SLAMF6: variants seen among roughly 807,000 people sequenced by gnomAD.
SLAMF6 encodes SLAM family member 6, also known as NK-T-B-antigen.
Under a neutral mutation model 38.3 loss-of-function variants are expected in SLAMF6, and 21 were observed. That is an observed-to-expected ratio of 0.55 (90% CI 0.39 to 0.79). The LOEUF (loss-of-function observed/expected upper bound fraction) is 0.79. Among genes scored for constraint, SLAMF6 ranks in the 30% least tolerant of loss-of-function variants. SLAMF6 has a pLI of 0.00. For synonymous variants in SLAMF6, 152 were observed against 146.3 expected (o/e 1.04, Z -0.28); for missense variants, 341 against 385.3 (o/e 0.89, Z 0.96).
intron 1 of SLAMF6, among the ~76,000 whole-genome samples, chr1:160,510,873 T>C (rs999345159): frequency 6.6e-6 from 1 of 152,072 alleles, no homozygotes; most frequent in Non-Finnish European, 1.5e-5. Context: ...AGCTAATAAA[T>C]AAATTCAGCA....
At chr1:160,505,941 G>T (rs544375662) in intron 1 of SLAMF6, among the ~76,000 whole-genome samples, 1 of 152,064 alleles carries the variant, frequency 6.6e-6, no homozygotes. Context: ...TCAAAGCTAG[G>T]TCAATTGAAA....
intron 1 of SLAMF6, among the ~76,000 whole-genome samples, chr1:160,520,864 C>T (rs1654954565): frequency 1.3e-5 from 2 of 152,280 alleles, no homozygotes; most frequent in Admixed American, 1.3e-4. Context: ...CTTCCTAAAT[C>T]ACTCCAGGCT....
chr1:160,516,907 C>A (rs1048631962), intron 1 of SLAMF6, among the ~76,000 whole-genome samples: 1 of 152,062 alleles, frequency 6.6e-6, no homozygotes, highest in South Asian at 2.1e-4. Context: ...TATGAAAACC[C>A]TAGAATACAA....
chr1:160,496,474 C>G, intron 1 of SLAMF6, 81 bp from the exon 2 acceptor site: 3 of 1,404,750 alleles, frequency 2.1e-6, no homozygotes, highest in South Asian at 1.3e-5. Flanking sequence ...CCTAACGCTG[C>G]CAGTCTGTTA....
Position 160,490,589 on chromosome 1 carries a change from A to T in SLAMF6, c.743T>A (p.Leu248Ter). 6.2e-7 allele frequency: 1 copy of T among 1,613,158 alleles called. No individual in the cohort carries two copies. The highest frequency in any genetic ancestry group is 8.5e-7 in the Non-Finnish European group (1 of 1,179,732). The change falls in exon 4 of 8, where the codon TTG (leucine) becomes TAG (stop). Residue 248 changes from leucine to a stop codon, truncating the protein, a stop_gained. Coordinates refer to ENST00000368057, the MANE Select transcript of SLAMF6 (RefSeq NM_001184714.2). LOFTEE classifies it high-confidence loss of function. ...AGGAAACCTGCCTCTTCTTTTCCTC[A>T]AAACAAGTAACAGCAGTATGATGAA... is the stretch of plus-strand genomic sequence containing the variant. ...FGFIILLLLVLRKRRDSLSLS... is the reference protein window; with the variant it reads ...FGFIILLLLV
intron 1 of SLAMF6, among the ~76,000 whole-genome samples, chr1:160,498,889 T>TA (rs1653735650): frequency 1.3e-5 from 2 of 152,366 alleles, no homozygotes; most frequent in African/African-American, 4.8e-5. Context: ...TCATGTCCTT[T>TA]GCCCATTTTT....
chr1:160,489,137 A>G lies in SLAMF6; in HGVS notation c.830T>C (p.Val277Ala). Residue 277 changes from valine to alanine, a missense_variant, in exon 6 of 8, where the codon GTG becomes GCG. Physicochemically the swap from Val to Ala is moderately conservative, Grantham distance 64. Coordinates refer to ENST00000368057, the MANE Select transcript of SLAMF6 (RefSeq NM_001184714.2). ...ATACACAGTGTTGTTCGTTGGAGACACTGAAACATACTCTAGGTTCCTTGC... is the reference window on the plus strand; with the variant it reads ...ATACACAGTGTTGTTCGTTGGAGACGCTGAAACATACTCTAGGTTCCTTGC... ...ESARNLEYVS[V>A]SPTNNTVYAS... 1 of 1,613,940 alleles carries G rather than the reference A, an allele frequency of 6.2e-7. No homozygotes were observed. Among genetic ancestry groups the G allele is most frequent in the East Asian group, 2.2e-5 (1 of 44,868 alleles).
At chr1:160,498,773 G>A (rs1653729102) in intron 1 of SLAMF6, among the ~76,000 whole-genome samples, 1 of 151,978 alleles carries the variant, frequency 6.6e-6, no homozygotes, top group Admixed American at 6.6e-5. Flanking sequence ...GGTGTGAGAT[G>A]GTATTTCATT....
chr1:160,518,772 G>T (rs1654859793), intron 1 of SLAMF6, among the ~76,000 whole-genome samples: 2 of 152,078 alleles, frequency 1.3e-5, no homozygotes, highest in African/African-American at 4.8e-5. Context: ...GTCGGGGGTG[G>T]GGCAGGGGGG....
intron 2 of SLAMF6, among the ~76,000 whole-genome samples, chr1:160,493,721 C>T (rs1042775623): frequency 1.3e-5 from 2 of 152,152 alleles, no homozygotes; most frequent in African/African-American, 4.8e-5. Flanking sequence ...AAAGATACTA[C>T]TCAAGACTAG....
chr1:160,506,937 T>C (rs1349433633), intron 1 of SLAMF6, among the ~76,000 whole-genome samples: 4 of 152,022 alleles, frequency 2.6e-5, no homozygotes, highest in South Asian at 2.1e-4. Flanking sequence ...AACTTAAAAA[T>C]ATAAACTATA....
chr1:160,495,096 T>A (rs1653503933), intron 2 of SLAMF6, among the ~76,000 whole-genome samples: 1 of 152,228 alleles, frequency 6.6e-6, no homozygotes, highest in African/African-American at 2.4e-5. Flanking sequence ...TACTAAAAGT[T>A]AACATGTAAT....
chr1:160,523,225 T>G lies in SLAMF6; in HGVS notation c.-33A>C. 1 of 1,607,842 alleles carries G rather than the reference T, an allele frequency of 6.2e-7. No homozygotes were observed. Among genetic ancestry groups the G allele is most frequent in the South Asian group, 1.1e-5 (1 of 89,760 alleles). ...GCGGTGAAGACTGGTGCTTGAGACC[T>G]TGAGGCAGTCAATGTTTTTGCCCTT... On this transcript the variant is annotated 5_prime_UTR_variant, in exon 1 of 8. Coordinates refer to ENST00000368057, the MANE Select transcript of SLAMF6 (RefSeq NM_001184714.2).
chr1:160,520,158 G>A (rs560049055), intron 1 of SLAMF6, among the ~76,000 whole-genome samples: 2 of 152,148 alleles, frequency 1.3e-5, no homozygotes, highest in Non-Finnish European at 2.9e-5. Flanking sequence ...TTGGTAAAAA[G>A]TAGATAACAC....
chr1:160,488,015 G>A (rs942673519), intron 6 of SLAMF6, among the ~76,000 whole-genome samples: 1 of 151,324 alleles, frequency 6.6e-6, no homozygotes, highest in African/African-American at 2.4e-5. Context: ...ACCTGAGCAT[G>A]AGGAGGTTGA....
Position 160,489,124 on chromosome 1 carries a change from G to C in SLAMF6, c.843C>G (p.Asn281Lys), listed in dbSNP as rs746277645. ...GAGTGACTGAAGCATACACAGTGTTGTTCGTTGGAGACACTGAAACATACT... is the reference window on the plus strand; with the variant it reads ...GAGTGACTGAAGCATACACAGTGTTCTTCGTTGGAGACACTGAAACATACT... ...NLEYVSVSPT[N>K]NTVYASVTHS... The change falls in exon 6 of 8, where the codon AAC becomes AAG. Residue 281 changes from asparagine (N) to lysine (K), a missense_variant. Asn to Lys is a moderately conservative substitution (Grantham distance 94). Transcript: ENST00000368057. 18 of 1,613,948 alleles carry C rather than the reference G, an allele frequency of 1.1e-5. No individual in the cohort carries two copies. The highest frequency in any genetic ancestry group is 1.4e-5 in the Non-Finnish European group (16 of 1,179,852).
chr1:160,505,490 C>T (rs1446022298), intron 1 of SLAMF6, among the ~76,000 whole-genome samples: 1 of 152,184 alleles, frequency 6.6e-6, no homozygotes, highest in South Asian at 2.1e-4. Context: ...CAACCTCTGC[C>T]TCCTGGGCTG....
At chr1:160,513,667 G>A (rs1284231598) in intron 1 of SLAMF6, among the ~76,000 whole-genome samples, 1 of 152,146 alleles carries the variant, frequency 6.6e-6, no homozygotes, top group Admixed American at 6.5e-5. Context: ...AGGCCTCTCA[G>A]CAGAAACTTT....
intron 1 of SLAMF6, among the ~76,000 whole-genome samples, chr1:160,504,475 T>G (rs573990897): frequency 1.3e-5 from 2 of 152,324 alleles, no homozygotes; most frequent in South Asian, 2.1e-4. Flanking sequence ...ATAGCAGTCT[T>G]GAAGACAGCC....
Sources: gnomAD v4.1 joint callset for allele counts (sites outside exome capture counted in the v4.1 genomes callset) on GRCh38, gnomAD v4.1.1 for gene constraint, MANE v1.5 for transcripts, NCBI Gene and HGNC (gene_info 2026-07-23, HGNC 2026-07-21) for gene names.